The following TFB1M variants were observed in gnomAD, a reference collection of about 807,000 sequenced individuals.
TFB1M encodes the protein transcription factor B1, mitochondrial.
A neutral mutation model predicts 31.1 loss-of-function variants in TFB1M; 27 were observed. The observed-to-expected ratio is 0.87, with a 90% CI of 0.64 to 1.20. TFB1M has a LOEUF of 1.20. Among genes scored for constraint, TFB1M ranks in the 50% most tolerant of loss-of-function variants. The pLI, the probability that TFB1M is intolerant of heterozygous loss-of-function variation, is 0.00. For missense variants in TFB1M, 394 were observed against 418.7 expected (o/e 0.94, Z 0.51); for synonymous variants, 166 against 151.8 (o/e 1.09, Z -0.69).
intron 5 of TFB1M, among the ~76,000 whole-genome samples, chr6:155,271,793 CATT>C (rs1784932462): frequency 6.6e-6 from 1 of 152,126 alleles, no homozygotes; most frequent in Non-Finnish European, 1.5e-5. Flanking sequence ...GTGACTAAAA[CATT>C]ATATTAAAAG....
rs1777901907 is a variant in TFB1M at position 155,308,937 on chromosome 6, G to GA, written c.285+2250dup. Reference sequence around the variant, plus strand: ...ACATATTGAAACATTCCTCACTGGGGAAAAAAAGGCCTATTTGATATTTTA... The same window carrying GA: ...ACATATTGAAACATTCCTCACTGGGGAAAAAAAAGGCCTATTTGATATTTTA... On this transcript the variant is annotated intron_variant, in intron 2 of 6. Coordinates refer to ENST00000367166, the MANE Select transcript of TFB1M (RefSeq NM_016020.4). 2.0e-5 allele frequency among the ~76,000 whole-genome samples: 3 copies of GA among 151,846 alleles called. No individual in the cohort carries two copies. In the South Asian group the frequency reaches 6.2e-4, roughly 31 times the overall value.
chr6:155,236,759 T>G, the TFB1M span, among the ~76,000 whole-genome samples: 3,980 of 152,240 alleles, frequency 0.026, 181 homozygotes, highest in African/African-American at 0.091. Context: ...AATCATCAGA[T>G]CTTGTGAGAT....
chr6:155,291,729 T>G (rs111486527), intron 4 of TFB1M, among the ~76,000 whole-genome samples: 1,859 of 152,296 alleles, frequency 0.012, 32 homozygotes, highest in Non-Finnish European at 0.015. Context: ...GCCCCCTCCC[T>G]GGTGTGACAA....
chr6:155,314,253 G>A (rs778445973), intron 1 of TFB1M, 43 bp downstream of exon 1: 2 of 1,608,976 alleles, frequency 1.2e-6, no homozygotes, highest in East Asian at 4.5e-5. Flanking sequence ...ACGCCCCCAC[G>A]GACACTGGGG....
At chr6:155,265,762 T>A (rs1784608770) in intron 5 of TFB1M, among the ~76,000 whole-genome samples, 1 of 145,256 alleles carries the variant, frequency 6.9e-6, no homozygotes, top group Admixed American at 6.9e-5. Context: ...AATATATATT[T>A]AATATATAAT....
At chr6:155,309,360 C>A (rs1777920049) in intron 2 of TFB1M, among the ~76,000 whole-genome samples, 1 of 152,178 alleles carries the variant, frequency 6.6e-6, no homozygotes, top group African/African-American at 2.4e-5. Context: ...CCTCATGGTA[C>A]TTACATTCCA....
chr6:155,308,590 C>T (rs750004739), intron 2 of TFB1M, among the ~76,000 whole-genome samples: 1 of 152,108 alleles, frequency 6.6e-6, no homozygotes, highest in Non-Finnish European at 1.5e-5. Flanking sequence ...CTGAAGTCTG[C>T]GTCTTTACCA....
At chr6:155,252,842 C>T (rs911743801), downstream of TFB1M, 88 of 1,014,318 alleles carry the variant, frequency 8.7e-5, no homozygotes, top group Middle Eastern at 2.4e-4. Context: ...CATGGCTGCT[C>T]GGAGACTCGC....
downstream of TFB1M, chr6:155,253,268 C>T: frequency 1.9e-6 from 1 of 517,892 alleles, no homozygotes; most frequent in Non-Finnish European, 3.4e-6. Flanking sequence ...AAATGCCTTT[C>T]ATTGTTTCCT....
At chr6:155,277,323 G>C (rs1785270799) in intron 5 of TFB1M, among the ~76,000 whole-genome samples, 1 of 152,082 alleles carries the variant, frequency 6.6e-6, no homozygotes. Context: ...TTCAATTAAT[G>C]AATGTCAAAA....
At chr6:155,314,094 A>C in intron 1 of TFB1M, 1 of 1,452,870 alleles carries the variant, frequency 6.9e-7, no homozygotes, top group Non-Finnish European at 9.0e-7. Flanking sequence ...CCGAACGCGG[A>C]GTTTTGTGAG....
chr6:155,257,183 G>C lies in TFB1M; in HGVS notation c.*653C>G. ...TTACTTTTAAACTGGTGGTAAAGTGGAAATTGCAAAAAAAAAAAAAAAAAA... is the reference window on the plus strand; with the variant it reads ...TTACTTTTAAACTGGTGGTAAAGTGCAAATTGCAAAAAAAAAAAAAAAAAA... On this transcript the variant is annotated 3_prime_UTR_variant, in exon 7 of 7. Transcript: ENST00000367166. 1.8e-5 allele frequency: 13 copies of C among 720,172 alleles called. No homozygotes were observed. The highest frequency in any genetic ancestry group is 9.3e-5 in the South Asian group (4 of 42,886). The allele number at this position is 720,172 out of a possible 1,614,324, so 44.6% of individuals were successfully genotyped here.
rs145088154 is a variant in TFB1M at position 155,261,695 on chromosome 6, T to C, written c.667-1295A>G. Among the ~76,000 whole-genome samples the C allele has an allele frequency of 2.0e-5, 3 of 152,246 alleles. 1 individual carries two copies. The highest frequency in any genetic ancestry group is 3.9e-4 in the East Asian group (2 of 5,182). Reference sequence around the variant, plus strand: ...TGCACCTCCCTATTTAAACAATCAATGAGCCTGTCCCCGAAGGTTTCAGGT... The same window carrying C: ...TGCACCTCCCTATTTAAACAATCAACGAGCCTGTCCCCGAAGGTTTCAGGT... On this transcript the variant is annotated intron_variant, in intron 5 of 6. Coordinates refer to ENST00000367166, the MANE Select transcript of TFB1M (RefSeq NM_016020.4).
At chr6:155,230,158 A>C in the TFB1M span, among the ~76,000 whole-genome samples, 2 of 151,278 alleles carry the variant, frequency 1.3e-5, no homozygotes, top group African/African-American at 2.4e-5. Flanking sequence ...GGGGCTGCTG[A>C]ACTCACCTCC....
At chr6:155,255,570 C>T (rs1276782725), downstream of TFB1M, 1 of 151,966 alleles carries the variant, frequency 6.6e-6, no homozygotes, top group Admixed American at 6.6e-5. Flanking sequence ...TGTAGAAACA[C>T]CAAAACTGAG....
At chr6:155,286,201 C>T (rs994101945) in intron 4 of TFB1M, among the ~76,000 whole-genome samples, 7 of 152,042 alleles carry the variant, frequency 4.6e-5, no homozygotes, top group Admixed American at 3.3e-4. Context: ...TAGGAGAAAA[C>T]AGTAGGTCCT....
chr6:155,248,070 G>A, the TFB1M span: 2 of 1,614,220 alleles, frequency 1.2e-6, no homozygotes, highest in Non-Finnish European at 1.7e-6. Context: ...CCTCCACGCT[G>A]GAGTCCTACC....
intron 5 of TFB1M, among the ~76,000 whole-genome samples, chr6:155,274,756 T>C (rs1785090021): frequency 6.6e-6 from 1 of 152,232 alleles, no homozygotes; most frequent in South Asian, 2.1e-4. Flanking sequence ...TCCTTCCTCC[T>C]CAAATGGTTC....
chr6:155,293,638 G>T (rs1247683805), intron 4 of TFB1M, among the ~76,000 whole-genome samples: 3 of 152,092 alleles, frequency 2.0e-5, no homozygotes, highest in Admixed American at 2.0e-4. Context: ...CTGGGGCTAT[G>T]ATATTTTTCT....
Sources: gnomAD v4.1 joint callset for allele counts (sites outside exome capture counted in the v4.1 genomes callset) on GRCh38, gnomAD v4.1.1 for gene constraint, MANE v1.5 for transcripts, NCBI Gene and HGNC (gene_info 2026-07-23, HGNC 2026-07-21) for gene names.